UBC: variants seen among roughly 807,000 people sequenced by gnomAD.
The protein encoded by UBC is polyubiquitin-C.
A neutral mutation model predicts 34.7 loss-of-function variants in UBC; 8 were observed. That is an observed-to-expected ratio of 0.23 (90% CI 0.14 to 0.42). UBC has a LOEUF of 0.42. Among genes scored for constraint, UBC ranks in the 10% least tolerant of loss-of-function variants. UBC has a pLI of 1.00. For synonymous variants in UBC, 367 were observed against 299.8 expected, an observed-to-expected ratio of 1.22 and a Z score of -2.32; for missense variants, 323 against 750.3, an observed-to-expected ratio of 0.43 and a Z score of 6.65.
chr12:124,914,084 G>A (rs1400052975), intron 1 of UBC: 8 of 408,030 alleles, frequency 2.0e-5, no homozygotes, highest in East Asian at 1.1e-4. Context: ...AAAGCCTACC[G>A]CACACCTACC....
At chr12:124,914,504 G>A (rs1594454087) in intron 1 of UBC, 83 bp downstream of exon 1, 4 of 153,168 alleles carry the variant, frequency 2.6e-5, no homozygotes, top group African/African-American at 7.2e-5. Context: ...TACAGCCCTT[G>A]GCGGTCTCTC....
chr12:124,913,809 G>C (rs778822639), intron 1 of UBC, 35 bp from the exon 2 acceptor site: 13 of 1,610,286 alleles, frequency 8.1e-6, no homozygotes, highest in Middle Eastern at 1.7e-4. Flanking sequence ...AGAATTTAGC[G>C]GACAATTTAC....
At chr12:124,913,824 C>CT (rs1953563382) in intron 1 of UBC, 50 bp from the exon 2 acceptor site, 1 of 1,596,430 alleles carries the variant, frequency 6.3e-7, no homozygotes, top group South Asian at 1.1e-5. Context: ...ATTTACTAGT[C>CT]TAACACTGAA....
At chr12:124,914,003 A>C in intron 1 of UBC, 3 of 637,980 alleles carry the variant, frequency 4.7e-6, no homozygotes, top group Non-Finnish European at 7.7e-6. Context: ...CCCTCCCCTC[A>C]CCAGAGGTCC....
chr12:124,913,972 A>G (rs1953569432), intron 1 of UBC, 198 bp from the exon 2 acceptor site: 2 of 770,890 alleles, frequency 2.6e-6, no homozygotes, highest in Non-Finnish European at 2.0e-6. Flanking sequence ...AACCGACCAG[A>G]GAAACTGACG....
intron 1 of UBC, chr12:124,914,040 C>G: frequency 1.9e-6 from 1 of 525,064 alleles, no homozygotes; most frequent in Non-Finnish European, 3.3e-6. Context: ...GGAGAGCCTA[C>G]CCTAGGCCCG....
Position 124,911,721 on chromosome 12 carries a change from C to T in UBC, c.2051G>A (p.Gly684Asp), listed in dbSNP as rs1953529209. ...AACCTTAAAAGGGGAAACTTAGACACCCCCCCTCAAGCGCAGGACCAAGTG... is the reference window on the plus strand; with the variant it reads ...AACCTTAAAAGGGGAAACTTAGACATCCCCCCTCAAGCGCAGGACCAAGTG... ...TLHLVLRLRG[G>D]V Residue 684 changes from glycine to aspartate, a missense_variant, in exon 2 of 2, where the codon GGT becomes GAT. Transcript: ENST00000339647. 6.2e-7 allele frequency: 1 copy of T among 1,612,884 alleles called. No homozygotes were observed. Among genetic ancestry groups the T allele is most frequent in the Non-Finnish European group, 8.5e-7 (1 of 1,179,446 alleles).
chr12:124,913,906 C>T, intron 1 of UBC, 132 bp from the exon 2 acceptor site: 2 of 1,406,340 alleles, frequency 1.4e-6, no homozygotes, highest in Non-Finnish European at 9.6e-7. Context: ...ACTCGCCAAC[C>T]CCGAGCGCAT....
At chr12:124,914,115 A>C (rs1361851118) in intron 1 of UBC, 1 of 330,986 alleles carries the variant, frequency 3.0e-6, no homozygotes, top group Non-Finnish European at 5.6e-6. Flanking sequence ...CCCACCCTGC[A>C]TTATAAGCCA....
chr12:124,913,959 T>C (rs1202894873), intron 1 of UBC, 185 bp from the exon 2 acceptor site: 2 of 928,450 alleles, frequency 2.2e-6, no homozygotes, highest in African/African-American at 1.7e-5. Context: ...GATAGGTACA[T>C]AAAACCGACC....
chr12:124,911,872 C>A lies in UBC; in HGVS notation c.1900G>T (p.Val634Phe), dbSNP rs1443272360. ...TCCTTATCTTGGATCTTTGCCTTGA[C>A]ATTCTCGATGGTGTCACTGGGCTCC... The part of the protein sequence containing the change: ...EVEPSDTIEN[V>F]KAKIQDKEGI... The change falls in exon 2 of 2, where the codon GTC becomes TTC. Residue 634 changes from valine to phenylalanine, a missense_variant. By Grantham distance (50) the Val-to-Phe change is conservative. This residue lies in a region of UBC where 49 missense variants were observed against 112.6 expected (regional missense o/e 0.44). Transcript: ENST00000339647. 2.5e-6 allele frequency: 4 copies of A among 1,610,230 alleles called. No individual in the cohort carries two copies. The highest frequency in any genetic ancestry group is 3.4e-6 in the Non-Finnish European group (4 of 1,178,716).
In UBC at chr12:124,912,910, T is replaced by C; in HGVS notation, c.862A>G (p.Asn288Asp). ...LEDGRTLSDY[N>D]IQKESTLHLV... ...TGCAGGGTAGACTCTTTCTGGATGTTGTAGTCAGACAGGGTGCGCCCATCT... is the reference window on the plus strand; with the variant it reads ...TGCAGGGTAGACTCTTTCTGGATGTCGTAGTCAGACAGGGTGCGCCCATCT... The change falls in exon 2 of 2, where the codon AAC becomes GAC. Residue 288 changes from asparagine (N) to aspartate (D), a missense_variant. Asn to Asp is a conservative substitution (Grantham distance 23). Coordinates refer to ENST00000339647, the MANE Select transcript of UBC (RefSeq NM_021009.7). 1 of 1,608,464 alleles carries C rather than the reference T, an allele frequency of 6.2e-7. No homozygotes were observed. The highest frequency in any genetic ancestry group is 8.5e-7 in the Non-Finnish European group (1 of 1,177,548).
chr12:124,913,479 G>C lies in UBC; in HGVS notation c.293C>G (p.Thr98Ser). ...GATCTTTGCTTTGACGTTCTCGATG[G>C]TGTCACTGGGCTCGACCTCAAGGGT... ...TITLEVEPSD[T>S]IENVKAKIQD... Residue 98 changes from threonine to serine, a missense_variant, in exon 2 of 2, where the codon ACC (threonine) becomes AGC (serine). This residue lies in a region of UBC where 202 missense variants were observed against 361.9 expected (regional missense o/e 0.56). Coordinates refer to ENST00000339647, the MANE Select transcript of UBC (RefSeq NM_021009.7). 1 of 1,611,416 alleles carries C rather than the reference G, an allele frequency of 6.2e-7. No individual in the cohort carries two copies.
chr12:124,911,835 G>A lies in UBC; in HGVS notation c.1937C>T (p.Pro646Leu). The A allele has an allele frequency of 6.2e-7, 1 of 1,612,754 alleles. No individual in the cohort carries two copies. Among genetic ancestry groups the A allele is most frequent in the Non-Finnish European group, 8.5e-7 (1 of 1,179,538 alleles). ...AGCAAAGATCAACCTCTGCTGATCA[G>A]GAGGGATGCCTTCCTTATCTTGGAT... ...AKIQDKEGIP[P>L]DQQRLIFAGK... Residue 646 changes from proline to leucine, a missense_variant, in exon 2 of 2, where the codon CCT becomes CTT. Coordinates refer to ENST00000339647, the MANE Select transcript of UBC (RefSeq NM_021009.7).
chr12:124,913,901 C>G, intron 1 of UBC, 127 bp from the exon 2 acceptor site: 6 of 1,432,554 alleles, frequency 4.2e-6, no homozygotes, highest in Non-Finnish European at 5.6e-6. Flanking sequence ...AACACACTCG[C>G]CAACCCCGAG....
At position 124,913,252 on chromosome 12, in the gene UBC, T is replaced by C. The variant is rs1167002612; in HGVS notation, c.520A>G (p.Thr174Ala). 1 of 1,611,276 alleles carries C rather than the reference T, an allele frequency of 6.2e-7. No homozygotes were observed. Among genetic ancestry groups the C allele is most frequent in the Non-Finnish European group, 8.5e-7 (1 of 1,178,652 alleles). ...ATCTTTGCCTTGACATTCTCGATGG[T>C]GTCACTGGGCTCCACCTCGAGGGTG... ...TITLEVEPSD[T>A]IENVKAKIQD... The change falls in exon 2 of 2, where the codon ACC (threonine) becomes GCC (alanine). Residue 174 changes from threonine (T) to alanine (A), a missense_variant. Physicochemically the swap from Thr to Ala is moderately conservative, Grantham distance 58 (BLOSUM62 0). Transcript: ENST00000339647.
rs1246699038 is a variant in UBC at position 124,912,761 on chromosome 12, C to T, written c.1011G>A (p.Lys337=). 2 of 1,606,392 alleles carry T rather than the reference C, an allele frequency of 1.2e-6. No homozygotes were observed. ...TCTGCTGGTCAGGAGGGATGCCTTCCTTGTCTTGGATCTTTGCCTTGACAT... is the reference window on the plus strand; with the variant it reads ...TCTGCTGGTCAGGAGGGATGCCTTCTTTGTCTTGGATCTTTGCCTTGACAT... The part of the protein sequence containing the change: ...IENVKAKIQD[K]EGIPPDQQRL... Residue 337 remains lysine, a synonymous_variant, in exon 2 of 2, where the codon AAG becomes AAA. Transcript: ENST00000339647.
chr12:124,913,623 A>G lies in UBC; in HGVS notation c.149T>C (p.Leu50Pro). ...QQRLIFAGKQ[L>P]EDGRTLSDYN... ...GTCAGACAGGGTGCGCCCATCTTCC[A>G]GCTGTTTTCCAGCAAAGATCAGCCT... The change falls in exon 2 of 2, where the codon CTG becomes CCG. Residue 50 changes from leucine to proline, a missense_variant. Leu to Pro is a moderately conservative substitution (Grantham distance 98). Transcript: ENST00000339647. 1 of 1,613,064 alleles carries G rather than the reference A, an allele frequency of 6.2e-7. No individual in the cohort carries two copies.
chr12:124,914,023 C>A, intron 1 of UBC: 1 of 575,120 alleles, frequency 1.7e-6, no homozygotes, highest in South Asian at 2.1e-5. Flanking sequence ...CGGCGCCTGT[C>A]GATTCAGGAG....
Sources: allele counts gnomAD v4.1 joint callset, GRCh38; gene constraint gnomAD v4.1.1; regional missense constraint gnomAD v4.1.1; transcripts MANE v1.5; gene names NCBI Gene and HGNC (gene_info 2026-07-23, HGNC 2026-07-21).